The following ANKRD28 variants were observed in gnomAD, a reference collection of about 807,000 sequenced individuals.
ANKRD28 encodes serine/threonine-protein phosphatase 6 regulatory ankyrin repeat subunit A.
A neutral mutation model predicts 126.5 loss-of-function variants in ANKRD28; 44 were observed. The observed-to-expected ratio is 0.35, with a 90% confidence interval of 0.27 to 0.45. The LOEUF (loss-of-function observed/expected upper bound fraction) is 0.45. Among genes scored for constraint, ANKRD28 ranks in the 20% least tolerant of loss-of-function variants. The pLI is 1.00. For synonymous variants in ANKRD28, 442 were observed against 468.5 expected (o/e 0.94, Z 0.73); for missense variants, 1,110 against 1,316.6 (o/e 0.84, Z 2.43).
At chr3:15,688,999 A>G (rs908914453) in intron 18 of ANKRD28, among the ~76,000 whole-genome samples, 4 of 152,370 alleles carry the variant, frequency 2.6e-5, no homozygotes, top group Middle Eastern at 3.4e-3. Flanking sequence ...TTTTGTTGAT[A>G]AAGTGTTTCA....
rs1011341931 is a variant in ANKRD28 at position 15,797,577 on chromosome 3, GAA to G, written c.-1058_-1057del. 2.0e-5 allele frequency: 20 copies of G among 983,468 alleles called. No individual in the cohort carries two copies. The African/African-American group carries it at 3.3e-4, about 16-fold the overall frequency. The allele number at this position is 983,468 out of a possible 1,614,324, so 60.9% of individuals were successfully genotyped here. ...TTTCTTTAAAAAAAAAAAGGGGGGG[GAA>G]AAACATAGTAGTGTATCATTCCAGT... On this transcript the variant is annotated 5_prime_UTR_variant, in exon 1 of 28. It removes the in-frame stop codon of an upstream open reading frame in the 5' UTR. Coordinates refer to ENST00000683139, the MANE Select transcript of ANKRD28 (RefSeq NM_001349278.2).
At position 15,709,710 on chromosome 3, in the gene ANKRD28, A is replaced by G; in HGVS notation, c.1364T>C (p.Leu455Pro). Reference sequence around the variant, plus strand: ...TTTATTAAAGTCTGCACCAGTATTCAGCAGAAGGTTTAGGCACTCCAAATT... The same window carrying G: ...TTTATTAAAGTCTGCACCAGTATTCGGCAGAAGGTTTAGGCACTCCAAATT... ...GGNLECLNLL[L>P]NTGADFNKKD... Residue 455 changes from leucine to proline, a missense_variant, in exon 13 of 28, where the codon CTG becomes CCG. Leu to Pro is a moderately conservative substitution (Grantham distance 98). Transcript: ENST00000683139. 1 of 1,581,740 alleles carries G rather than the reference A, an allele frequency of 6.3e-7. No homozygotes were observed. The highest frequency in any genetic ancestry group is 8.6e-7 in the Non-Finnish European group (1 of 1,162,022).
rs77842480 is a variant in ANKRD28 at position 15,851,685 on chromosome 3, C to T, written c.27+7692G>A. On this transcript the variant is annotated intron_variant, in intron 1 of 27. Coordinates refer to the ANKRD28 transcript ENST00000399451. The stretch of plus-strand genomic sequence containing the variant: ...ATGTGGAGAAACTGGAATGCTCATA[C>T]GCTGCTGGGAATGAAAAATGGTGCA... Among the ~76,000 whole-genome samples the T allele has an allele frequency of 3.2e-3, 488 of 152,208 alleles. 4 individuals are homozygous for T. The highest frequency in any genetic ancestry group is 0.01 in the African/African-American group (416 of 41,524).
intron 1 of ANKRD28, among the ~76,000 whole-genome samples, chr3:15,842,058 A>G (rs1361722994): frequency 6.8e-6 from 1 of 147,714 alleles, no homozygotes; most frequent in Non-Finnish European, 1.5e-5. Context: ...CATAATTTAT[A>G]TATAATTTTA....
At chr3:15,709,569 G>A (rs1041219565) in intron 13 of ANKRD28, 99 bp downstream of exon 13, 20 of 761,586 alleles carry the variant, frequency 2.6e-5, no homozygotes, top group Non-Finnish European at 4.1e-5. Context: ...CAGTGTACAA[G>A]ATGCTAAATT....
chr3:15,788,325 T>G (rs752345107), intron 2 of ANKRD28, among the ~76,000 whole-genome samples: 41 of 152,154 alleles, frequency 2.7e-4, no homozygotes, highest in Non-Finnish European at 5.4e-4. Flanking sequence ...TTCCAACTAT[T>G]ATTGCTTTAT....
intron 27 of ANKRD28, among the ~76,000 whole-genome samples, chr3:15,672,714 A>G (rs535049276): frequency 1.3e-5 from 2 of 152,286 alleles, no homozygotes; most frequent in South Asian, 2.1e-4. Flanking sequence ...GAGTGGGGAA[A>G]GAAGCTTGTT....
rs577391616 is a variant in ANKRD28, at chr3:15,787,272, T to A, written c.201+7951A>T. ...AACCTCCAAAAACTGCTGGTTCCAG[T>A]GGATAATACCTTCTTTGTTTCAGGA... On this transcript the variant is annotated intron_variant, in intron 2 of 27. Coordinates refer to ENST00000683139, the MANE Select transcript of ANKRD28 (RefSeq NM_001349278.2). Among the ~76,000 whole-genome samples the A allele has an allele frequency of 7.2e-5, 11 of 152,286 alleles. No individual in the cohort carries two copies. In the South Asian group the frequency reaches 2.1e-3, roughly 29 times the overall value.
rs1405331689 is a variant in ANKRD28 at position 15,845,795 on chromosome 3, G to A, written c.27+13582C>T. ...CAAGAAACTTAGAATCACGGTGGAGGGCAAAGGGGAAGCAAGCACGTCTTA... is the reference window on the plus strand; with the variant it reads ...CAAGAAACTTAGAATCACGGTGGAGAGCAAAGGGGAAGCAAGCACGTCTTA... On this transcript the variant is annotated intron_variant, in intron 1 of 27. Transcript: ENST00000399451. The surrounding 1 kb of genome is among the most constrained non-coding windows in gnomAD (Gnocchi z 4.9). 6.6e-6 allele frequency among the ~76,000 whole-genome samples: 1 copy of A among 152,138 alleles called. No homozygotes were observed. The highest frequency in any genetic ancestry group is 3.2e-3 in the Middle Eastern group (1 of 316).
chr3:15,772,473 T>C (rs1310759430), intron 2 of ANKRD28, among the ~76,000 whole-genome samples: 1 of 151,936 alleles, frequency 6.6e-6, no homozygotes, highest in Admixed American at 6.6e-5. Context: ...GACATAAATA[T>C]CTTCAACTAA....
intron 4 of ANKRD28, among the ~76,000 whole-genome samples, chr3:15,746,136 C>A (rs545303940): frequency 2.0e-5 from 3 of 152,094 alleles, no homozygotes; most frequent in Admixed American, 6.5e-5. Flanking sequence ...TCTAGGTATG[C>A]GATCATATCA....
chr3:15,694,827 G>A lies in ANKRD28; in HGVS notation c.1687-14C>T, dbSNP rs897145799. On this transcript the variant is annotated splice_polypyrimidine_tract_variant and intron_variant, in intron 16 of 27. Transcript: ENST00000683139. ...GGTTTCCATTAACTGAAAAAGAAGAGGCATTTTAAATGTCAGAAAGACATA... is the reference window on the plus strand; with the variant it reads ...GGTTTCCATTAACTGAAAAAGAAGAAGCATTTTAAATGTCAGAAAGACATA... The A allele has an allele frequency of 1.2e-6, 2 of 1,611,690 alleles. No homozygotes were observed. Among genetic ancestry groups the A allele is most frequent in the African/African-American group, 2.7e-5 (2 of 74,844 alleles).
rs961515299 is a variant in ANKRD28 at position 15,815,318 on chromosome 3, T to C, written c.28-20012A>G. Among the ~76,000 whole-genome samples the C allele has an allele frequency of 1.3e-5, 2 of 152,190 alleles. No homozygotes were observed. The highest frequency in any genetic ancestry group is 4.8e-5 in the African/African-American group (2 of 41,436). ...GGGGCCAACCACATTTCTTTTGTTT[T>C]TCTTTTATGACAAAATTTTGCCCTG... On this transcript the variant is annotated intron_variant, in intron 1 of 27. Transcript: ENST00000399451. The surrounding 1 kb of genome is among the most constrained non-coding windows in gnomAD (Gnocchi z 4.1).
Position 15,670,463 on chromosome 3 carries a change from C to G in ANKRD28, c.3059G>C (p.Ser1020Thr). The G allele has an allele frequency of 6.2e-7, 1 of 1,613,812 alleles. No individual in the cohort carries two copies. Among genetic ancestry groups the G allele is most frequent in the East Asian group, 2.2e-5 (1 of 44,890 alleles). ...LATMMPVSSS[S>T]PLSSLTFNAI... is the part of the protein sequence containing the mutation. Reference sequence around the variant, plus strand: ...ATTGAATGTTAAGGATGATAAAGGACTACTTGATGAGACAGGCATCATGGT... The same window carrying G: ...ATTGAATGTTAAGGATGATAAAGGAGTACTTGATGAGACAGGCATCATGGT... Residue 1020 changes from serine to threonine, a missense_variant, in exon 28 of 28, where the codon AGT becomes ACT. Physicochemically the swap from Ser to Thr is moderately conservative, Grantham distance 58. Coordinates refer to ENST00000683139, the MANE Select transcript of ANKRD28 (RefSeq NM_001349278.2).
At chr3:15,674,174 C>CAAAAA (rs34806568) in intron 27 of ANKRD28, among the ~76,000 whole-genome samples, 4,821 of 40,224 alleles carry the variant, frequency 0.12, 1,153 homozygotes, top group Middle Eastern at 0.2. Context: ...CCTGCCTCTT[C>CAAAAA]AAAAAAAAAA....
chr3:15,832,835 T>C (rs1202597595), intron 1 of ANKRD28, among the ~76,000 whole-genome samples: 7 of 152,242 alleles, frequency 4.6e-5, no homozygotes, highest in Non-Finnish European at 8.8e-5. Context: ...CTTCTGTTGA[T>C]GGATATTTAG....
At chr3:15,698,312 C>T (rs950961092) in intron 14 of ANKRD28, among the ~76,000 whole-genome samples, 2 of 152,140 alleles carry the variant, frequency 1.3e-5, no homozygotes, top group Admixed American at 1.3e-4. Flanking sequence ...TGGAAGCATT[C>T]CCTTTGAAAA....
chr3:15,853,396 G>GA lies in ANKRD28; in HGVS notation c.27+5980dup, dbSNP rs1465316118. ...TAAAAAGGAAATAAGACAAAATGCT[G>GA]AAAAAATGTATCCAAAATCTAACTA... On this transcript the variant is annotated intron_variant, in intron 1 of 27. Coordinates refer to the ANKRD28 transcript ENST00000399451. The surrounding 1 kb of genome is among the most constrained non-coding windows in gnomAD (Gnocchi z 4.2). 1.3e-5 allele frequency among the ~76,000 whole-genome samples: 2 copies of GA among 152,030 alleles called. No individual in the cohort carries two copies. The highest frequency in any genetic ancestry group is 2.4e-5 in the African/African-American group (1 of 41,404).
At chr3:15,717,838 A>C (rs988892627) in intron 8 of ANKRD28, among the ~76,000 whole-genome samples, 5 of 152,214 alleles carry the variant, frequency 3.3e-5, no homozygotes, top group African/African-American at 4.8e-5. Flanking sequence ...ACCACTTTGC[A>C]GGAAAATGAA....
Sources: gnomAD v4.1 joint callset for allele counts (sites outside exome capture counted in the v4.1 genomes callset) on GRCh38, gnomAD v4.1.1 for gene constraint, Gnocchi (gnomAD v3.1) non-coding constraint, MANE v1.5 for transcripts, NCBI Gene and HGNC (gene_info 2026-07-23, HGNC 2026-07-21) for gene names.